The following JMJD1C variants were observed in gnomAD, a reference collection of about 807,000 sequenced individuals.
JMJD1C encodes jumonji domain containing 1C, also known as jumonji domain-containing protein 1C.
In JMJD1C, 31 loss-of-function variants were observed where a neutral mutation model predicts 245.3. The ratio of observed to expected loss-of-function variants is 0.13; its 90% CI spans 0.09 to 0.17. The LOEUF is 0.17. Ranked by LOEUF, JMJD1C falls within the 10% of genes least tolerant of loss-of-function variation. The pLI is 1.00. For missense variants in JMJD1C, 2,691 were observed against 3,000.2 expected (o/e 0.90, Z 2.41); for synonymous variants, 1,057 against 1,017.4 (o/e 1.04, Z -0.74).
At position 63,311,221 on chromosome 10, in the gene JMJD1C, A is replaced by C. The variant is rs530283495; in HGVS notation, c.334-46457T>G. 7.0e-4 allele frequency among the ~76,000 whole-genome samples: 106 copies of C among 151,756 alleles called. 1 individual carries two copies. Among genetic ancestry groups the C allele is most frequent in the South Asian group, 1.7e-3 (8 of 4,802 alleles). On this transcript the variant is annotated intron_variant, in intron 2 of 25. Coordinates refer to ENST00000399262, the MANE Select transcript of JMJD1C (RefSeq NM_032776.3). Reference sequence around the variant, plus strand: ...CCCCGGCTCTATTAAAAAAAAAAAAAAAAACAAATTAGCTAAGTGTGGTGA... The same window carrying C: ...CCCCGGCTCTATTAAAAAAAAAAAACAAAACAAATTAGCTAAGTGTGGTGA...
intron 1 of JMJD1C, among the ~76,000 whole-genome samples, chr10:63,464,043 T>C (rs2133107852): frequency 6.6e-6 from 1 of 152,224 alleles, no homozygotes; most frequent in Admixed American, 6.5e-5. Flanking sequence ...GCTGGACTCT[T>C]AATAAGTCCT....
chr10:63,484,699 G>T (rs1233260695), intron 1 of JMJD1C, among the ~76,000 whole-genome samples: 1 of 151,274 alleles, frequency 6.6e-6, no homozygotes, highest in Admixed American at 6.6e-5. Flanking sequence ...AAAAAAAATT[G>T]GCACTATCCA....
At chr10:63,319,969 T>A (rs1287520451) in intron 2 of JMJD1C, among the ~76,000 whole-genome samples, 1 of 152,192 alleles carries the variant, frequency 6.6e-6, no homozygotes, top group East Asian at 1.9e-4. Context: ...TTTCACCATG[T>A]TGGCCAGGCT....
intron 17 of JMJD1C, among the ~76,000 whole-genome samples, chr10:63,190,527 T>C (rs928357267): frequency 2.6e-5 from 4 of 152,236 alleles, no homozygotes; most frequent in Admixed American, 2.0e-4. Context: ...AAAGAAATTA[T>C]ACTGCTCTTT....
chr10:63,223,915 G>A (rs1003906423), intron 3 of JMJD1C, among the ~76,000 whole-genome samples: 3 of 151,308 alleles, frequency 2.0e-5, no homozygotes, highest in Non-Finnish European at 4.4e-5. Flanking sequence ...CACCAAGCCC[G>A]GCTAATTTTT....
intron 2 of JMJD1C, among the ~76,000 whole-genome samples, chr10:63,309,748 C>A (rs1290243225): frequency 9.2e-5 from 14 of 151,978 alleles, no homozygotes; most frequent in Non-Finnish European, 2.9e-5. Flanking sequence ...GAAACCCAGT[C>A]TCTACTAAAA....
At chr10:63,406,653 T>C (rs1949189897) in intron 1 of JMJD1C, among the ~76,000 whole-genome samples, 1 of 151,886 alleles carries the variant, frequency 6.6e-6, no homozygotes, top group Non-Finnish European at 1.5e-5. Context: ...CAAAATAGTA[T>C]GGGAAAATAT....
chr10:63,494,077 G>A (rs1051009732), intron 1 of JMJD1C, among the ~76,000 whole-genome samples: 3 of 152,106 alleles, frequency 2.0e-5, no homozygotes, highest in East Asian at 1.9e-4. Context: ...TTGGAAGGCC[G>A]AGGCGGGCGG....
intron 2 of JMJD1C, among the ~76,000 whole-genome samples, chr10:63,300,523 G>A (rs909991616): frequency 1.3e-5 from 2 of 152,092 alleles, no homozygotes; most frequent in Admixed American, 6.5e-5. Context: ...AATCTTTGCT[G>A]TTTCTTTGTC....
At chr10:63,340,671 G>A (rs1355220073) in intron 2 of JMJD1C, among the ~76,000 whole-genome samples, 6 of 152,128 alleles carry the variant, frequency 3.9e-5, no homozygotes, top group African/African-American at 1.4e-4. Context: ...TAGGCCAGGC[G>A]CAGTGGCTCA....
chr10:63,416,958 T>C (rs1949844784), intron 1 of JMJD1C, among the ~76,000 whole-genome samples: 1 of 152,202 alleles, frequency 6.6e-6, no homozygotes, highest in Non-Finnish European at 1.5e-5. Context: ...CATTTACTAG[T>C]CTGAAAACAT....
At position 63,217,218 on chromosome 10, in the gene JMJD1C, T is replaced by A; in HGVS notation, c.667A>T (p.Met223Leu). 6.2e-7 allele frequency: 1 copy of A among 1,609,578 alleles called. No homozygotes were observed. The highest frequency in any genetic ancestry group is 8.5e-7 in the Non-Finnish European group (1 of 1,178,250). The change falls in exon 5 of 26, where the codon ATG (methionine) becomes TTG (leucine). Residue 223 changes from methionine (M) to leucine (L), a missense_variant. By Grantham distance (15) the Met-to-Leu change is conservative. Transcript: ENST00000399262. ...GTGGAACTATTTACCTGATCATTCA[T>A]AACGATCATGGTGCGGGTGAAGAGA... is the stretch of plus-strand genomic sequence containing the variant. ...HDLFTRTMIV[M>L]NDQVLEPQNV...
intron 2 of JMJD1C, among the ~76,000 whole-genome samples, chr10:63,380,056 C>T (rs946168141): frequency 6.6e-6 from 1 of 151,498 alleles, no homozygotes; most frequent in South Asian, 2.1e-4. Flanking sequence ...CCTCCCACCT[C>T]AGCCTCCCAA....
In JMJD1C at chr10:63,200,687, C is replaced by G. The variant is rs781064752; in HGVS notation, c.5075-10G>C. 3 of 1,612,878 alleles carry G rather than the reference C, an allele frequency of 1.9e-6. No homozygotes were observed. The South Asian group carries it at 3.3e-5, about 18-fold the overall frequency. ...GAACGAGGAATGCCAGCTGTAAAAT[C>G]AGTAGGAAAGTTTTAGCAAGATTAT... On this transcript the variant is annotated splice_polypyrimidine_tract_variant and intron_variant, in intron 10 of 25. Transcript: ENST00000399262.
intron 2 of JMJD1C, among the ~76,000 whole-genome samples, chr10:63,341,266 C>G (rs10761744): frequency 0.86 from 130,872 of 152,270 alleles, 56,940 homozygotes; most frequent in African/African-American, 0.96. Context: ...TGAAGCAGTA[C>G]AGAAATTCAT....
chr10:63,304,903 G>A (rs1937795412), intron 2 of JMJD1C, among the ~76,000 whole-genome samples: 2 of 152,178 alleles, frequency 1.3e-5, no homozygotes, highest in African/African-American at 4.8e-5. Flanking sequence ...GGAGGCTGAC[G>A]CAGGAGGATC....
chr10:63,373,402 A>T (rs991153515), intron 2 of JMJD1C, among the ~76,000 whole-genome samples: 3 of 152,232 alleles, frequency 2.0e-5, no homozygotes, highest in Non-Finnish European at 4.4e-5. Context: ...GTTAAGTTTT[A>T]AAAAATATAC....
At chr10:63,291,802 A>G (rs1858755261) in intron 2 of JMJD1C, among the ~76,000 whole-genome samples, 1 of 152,104 alleles carries the variant, frequency 6.6e-6, no homozygotes, top group East Asian at 1.9e-4. Context: ...TGCTTTTGCT[A>G]TCCTAGTCTC....
chr10:63,228,193 A>T (rs1189803853), intron 3 of JMJD1C, among the ~76,000 whole-genome samples: 1 of 152,246 alleles, frequency 6.6e-6, no homozygotes, highest in Non-Finnish European at 1.5e-5. Context: ...CCCTGCTGTT[A>T]CAGCAGAAAA....
Sources: allele counts gnomAD v4.1 joint callset (sites outside exome capture counted in the v4.1 genomes callset), GRCh38; gene constraint gnomAD v4.1.1; transcripts MANE v1.5; gene names NCBI Gene and HGNC (gene_info 2026-07-23, HGNC 2026-07-21).